Variants in VTA1 observed in about 807,000 individuals in gnomAD.
The protein encoded by VTA1 is vacuolar protein sorting-associated protein VTA1 homolog.
VTA1 carries 24 observed loss-of-function variants against 36.9 expected under a neutral mutation model. That is an observed-to-expected ratio of 0.65 (90% CI 0.47 to 0.91). The LOEUF is 0.91. Ranked by LOEUF, VTA1 falls within the 40% of genes least tolerant of loss-of-function variation. The pLI is 0.00. For synonymous variants in VTA1, 142 were observed against 130.2 expected (o/e 1.09, Z -0.62); for missense variants, 393 against 377.2 (o/e 1.04, Z -0.35).
At position 142,170,847 on chromosome 6, in the gene VTA1, A is replaced by G. The variant is rs190072593; in HGVS notation, c.411+426A>G. Reference sequence around the variant, plus strand: ...CATGGTTTTACCAAGCTGGTGTCGAACTCTTGAGCTCAAGCAATCTTGCCT... The same window carrying G: ...CATGGTTTTACCAAGCTGGTGTCGAGCTCTTGAGCTCAAGCAATCTTGCCT... On this transcript the variant is annotated intron_variant, in intron 4 of 7. Coordinates refer to ENST00000367630, the MANE Select transcript of VTA1 (RefSeq NM_016485.5). 2.1e-3 allele frequency among the ~76,000 whole-genome samples: 315 copies of G among 151,958 alleles called. 1 individual carries two copies. Among genetic ancestry groups the G allele is most frequent in the African/African-American group, 7.3e-3 (304 of 41,458 alleles).
intron 5 of VTA1, among the ~76,000 whole-genome samples, chr6:142,190,701 G>A (rs1416205273): frequency 6.6e-6 from 1 of 152,176 alleles, no homozygotes; most frequent in Admixed American, 6.5e-5. Context: ...TTATGCATTT[G>A]TGAAGATAAT....
intron 7 of VTA1, among the ~76,000 whole-genome samples, chr6:142,212,035 T>G (rs1457992409): frequency 1.3e-5 from 2 of 152,210 alleles, no homozygotes; most frequent in African/African-American, 4.8e-5. Flanking sequence ...GGTGACGATG[T>G]GGAACCACAG....
intron 4 of VTA1, among the ~76,000 whole-genome samples, chr6:142,180,778 T>C (rs1222180231): frequency 1.3e-5 from 2 of 151,988 alleles, no homozygotes; most frequent in African/African-American, 4.8e-5. Context: ...CAAAAACGTA[T>C]AACCCGAACG....
chr6:142,189,745 T>C (rs1218327239), intron 5 of VTA1, among the ~76,000 whole-genome samples: 1 of 151,928 alleles, frequency 6.6e-6, no homozygotes, highest in Non-Finnish European at 1.5e-5. Context: ...ACAAAGTGAC[T>C]TATCTGTCTC....
chr6:142,160,573 T>A (rs942182959), intron 1 of VTA1, among the ~76,000 whole-genome samples: 1 of 152,062 alleles, frequency 6.6e-6, no homozygotes, highest in Non-Finnish European at 1.5e-5. Flanking sequence ...AGAGGACTGT[T>A]TTCTGCTTGG....
chr6:142,152,922 G>C (rs973986643), intron 1 of VTA1, among the ~76,000 whole-genome samples: 1 of 152,054 alleles, frequency 6.6e-6, no homozygotes, highest in South Asian at 2.1e-4. Flanking sequence ...CCTCTGCCAG[G>C]AATCCTTCTG....
At chr6:142,173,446 ATT>A (rs1442987503) in intron 4 of VTA1, among the ~76,000 whole-genome samples, 1 of 152,058 alleles carries the variant, frequency 6.6e-6, no homozygotes, top group Non-Finnish European at 1.5e-5. Context: ...AATTTTTTGT[ATT>A]TTAGTAGAGA....
intron 4 of VTA1, among the ~76,000 whole-genome samples, chr6:142,181,094 A>AAAAAAATATATATATATATATAT (rs1471429927): frequency 7.7e-4 from 28 of 36,404 alleles, no homozygotes; most frequent in Non-Finnish European, 1.2e-3. Context: ...AAAAAAAAAA[A>AAAAAAATATATATATATATATAT]ATATATATAT....
At chr6:142,204,793 C>T (rs1005179283) in intron 7 of VTA1, among the ~76,000 whole-genome samples, 5 of 152,008 alleles carry the variant, frequency 3.3e-5, no homozygotes, top group Non-Finnish European at 5.9e-5. Flanking sequence ...GGCGCAATCT[C>T]AGCTCACTGC....
In VTA1 at chr6:142,189,449, C is replaced by A. The variant is rs1384717290; in HGVS notation, c.435C>A (p.Ala145=). 1 of 1,613,478 alleles carries A rather than the reference C, an allele frequency of 6.2e-7. No individual in the cohort carries two copies. The highest frequency in any genetic ancestry group is 1.1e-5 in the South Asian group (1 of 91,028). The part of the protein sequence containing the change: ...TDENVKHRKY[A]RWKATYIHNC... ...AGAATGTGAAACACAGGAAGTATGC[C>A]AGATGGAAGGCAACATACATCCATA... The change falls in exon 5 of 8, where the codon GCC becomes GCA. Residue 145 remains alanine, a synonymous_variant. Transcript: ENST00000367630.
At chr6:142,168,395 T>C (rs974460934) in intron 2 of VTA1, among the ~76,000 whole-genome samples, 13 of 152,160 alleles carry the variant, frequency 8.5e-5, no homozygotes, top group African/African-American at 2.9e-4. Flanking sequence ...TTGCTGATTT[T>C]ATGAAAAATC....
At chr6:142,200,923 A>G (rs1357081257) in intron 6 of VTA1, among the ~76,000 whole-genome samples, 2 of 151,962 alleles carry the variant, frequency 1.3e-5, no homozygotes, top group Non-Finnish European at 2.9e-5. Flanking sequence ...TGCAGCAACT[A>G]TATTATGTAT....
intron 6 of VTA1, 72 bp downstream of exon 6, chr6:142,198,687 T>C (rs1775619251): frequency 7.2e-7 from 1 of 1,388,654 alleles, no homozygotes; most frequent in Non-Finnish European, 9.7e-7. Context: ...TTATCACATA[T>C]GTGCCTCATA....
intron 1 of VTA1, among the ~76,000 whole-genome samples, chr6:142,156,669 G>C (rs979612059): frequency 1.3e-5 from 2 of 152,094 alleles, no homozygotes; most frequent in Non-Finnish European, 2.9e-5. Context: ...TAAACTTCCA[G>C]TTAAAGTATA....
intron 4 of VTA1, among the ~76,000 whole-genome samples, chr6:142,183,582 G>T (rs1775285746): frequency 6.6e-6 from 1 of 152,130 alleles, no homozygotes; most frequent in Non-Finnish European, 1.5e-5. Context: ...TAGAGGCCAA[G>T]GACAAAAGTA....
chr6:142,208,673 T>TA (rs1775843422), intron 7 of VTA1, among the ~76,000 whole-genome samples: 1 of 152,094 alleles, frequency 6.6e-6, no homozygotes, highest in Non-Finnish European at 1.5e-5. Context: ...AGAAAGTCCT[T>TA]AAAACACCAA....
At chr6:142,218,127 ATACT>A (rs1191188164) in intron 7 of VTA1, among the ~76,000 whole-genome samples, 1 of 152,106 alleles carries the variant, frequency 6.6e-6, no homozygotes, top group African/African-American at 2.4e-5. Flanking sequence ...ATTGAAGGTG[ATACT>A]TACATTCCAG....
intron 5 of VTA1, among the ~76,000 whole-genome samples, chr6:142,195,937 T>C (rs1415053517): frequency 6.6e-6 from 1 of 152,150 alleles, no homozygotes; most frequent in Non-Finnish European, 1.5e-5. Flanking sequence ...ATTTCTTTCA[T>C]GGCCCAGCAT....
intron 1 of VTA1, among the ~76,000 whole-genome samples, chr6:142,160,595 C>T (rs1052023392): frequency 1.3e-5 from 2 of 152,056 alleles, no homozygotes; most frequent in African/African-American, 4.8e-5. Flanking sequence ...ACTCCTCTTC[C>T]TGGGCCTTAG....
Sources: gnomAD v4.1 joint callset for allele counts (sites outside exome capture counted in the v4.1 genomes callset) on GRCh38, gnomAD v4.1.1 for gene constraint, MANE v1.5 for transcripts, NCBI Gene and HGNC (gene_info 2026-07-23, HGNC 2026-07-21) for gene names.